RPTOR: variants seen among roughly 807,000 people sequenced by gnomAD.
The protein encoded by RPTOR is regulatory associated protein of MTOR complex 1, also known as regulatory-associated protein of mTOR.
Under a neutral mutation model 169.9 loss-of-function variants are expected in RPTOR, and 21 were observed. The ratio of observed to expected loss-of-function variants is 0.12; its 90% CI spans 0.09 to 0.18. RPTOR has a LOEUF of 0.18. RPTOR is among the 10% of genes least tolerant of loss of function. The pLI is 1.00. For synonymous variants in RPTOR, 732 were observed against 753.2 expected, an observed-to-expected ratio of 0.97 and a Z score of 0.46; for missense variants, 1,133 against 1,855.9, an observed-to-expected ratio of 0.61 and a Z score of 7.16.
chr17:80,871,535 C>G (rs74473994), intron 13 of RPTOR, among the ~76,000 whole-genome samples: 2,996 of 152,242 alleles, frequency 0.02, 104 homozygotes, highest in African/African-American at 0.069. Context: ...TGAGGTCAGG[C>G]GTCCCCCGGG....
intron 2 of RPTOR, among the ~76,000 whole-genome samples, chr17:80,637,680 G>A (rs1034888464): frequency 3.9e-5 from 6 of 152,220 alleles, no homozygotes; most frequent in African/African-American, 9.7e-5. Context: ...GTCATTTAGC[G>A]GAAATGGTTT....
intron 21 of RPTOR, among the ~76,000 whole-genome samples, chr17:80,919,930 A>G (rs1402984869): frequency 6.6e-6 from 1 of 152,216 alleles, no homozygotes; most frequent in Non-Finnish European, 1.5e-5. Context: ...GGGGGTGTAC[A>G]TGCTGAGAAG....
chr17:80,711,763 GGTT>G (rs752769261), intron 4 of RPTOR, among the ~76,000 whole-genome samples: 21,497 of 55,930 alleles, frequency 0.38, 2,419 homozygotes, highest in Non-Finnish European at 0.42. Flanking sequence ...TTTTTTTTGA[GGTT>G]AAGTCTCCCT....
chr17:80,744,467 A>T (rs796681028), intron 5 of RPTOR, among the ~76,000 whole-genome samples: 98 of 24,182 alleles, frequency 4.1e-3, no homozygotes, highest in East Asian at 0.014. Flanking sequence ...TTACTAGCAC[A>T]GCCCTGGTTA....
rs199794095 is a variant in RPTOR, at chr17:80,880,432, C to G, written c.1527C>G (p.Leu509=). 1.2e-6 allele frequency: 2 copies of G among 1,613,750 alleles called. No homozygotes were observed. Among genetic ancestry groups the G allele is most frequent in the Non-Finnish European group, 1.7e-6 (2 of 1,179,996 alleles). Residue 509 remains leucine (L), a synonymous_variant, in exon 14 of 34, where the codon CTC becomes CTG. Coordinates refer to ENST00000306801, the MANE Select transcript of RPTOR (RefSeq NM_020761.3). ...CTGTCCAGTCGTGCCAAGCGGACCT[C>G]GTGAAGGACAACGGCCACAAGTACT... ...LAVDSSCQAD[L]VKDNGHKYFL...
intron 31 of RPTOR, chr17:80,961,693 A>G (rs2069343840): frequency 1.7e-6 from 1 of 571,618 alleles, no homozygotes; most frequent in Non-Finnish European, 3.0e-6. Flanking sequence ...CCTGACCTGC[A>G]GGCGCTTTGG....
chr17:80,742,298 A>C (rs2066489206), intron 5 of RPTOR, among the ~76,000 whole-genome samples: 1 of 152,106 alleles, frequency 6.6e-6, no homozygotes, highest in Non-Finnish European at 1.5e-5. Context: ...GTGTGAAGGG[A>C]ACAGGATCCA....
In RPTOR at chr17:80,957,490, G is replaced by A. The variant is rs2069267517; in HGVS notation, c.3371-134G>A. On this transcript the variant is annotated intron_variant, in intron 28 of 33. Coordinates refer to ENST00000306801, the MANE Select transcript of RPTOR (RefSeq NM_020761.3). The surrounding 1 kb of genome is among the most constrained non-coding windows in gnomAD (Gnocchi z 4.6). ...AGCGGGAGCTCATATGAGGCATATG[G>A]ACCCACCAGATGGGCTCGATGGTGG... The A allele has an allele frequency of 2.6e-6, 2 of 778,494 alleles. No individual in the cohort carries two copies. Among genetic ancestry groups the A allele is most frequent in the Non-Finnish European group, 2.3e-6 (1 of 443,930 alleles). 48.2% of individuals were successfully genotyped at this position (778,494 alleles called of 1,614,324 possible). A position where few individuals can be genotyped will look rare whatever the true frequency, so the allele number is the denominator to read the frequency against.
At chr17:80,900,563 G>A (rs748995536) in intron 20 of RPTOR, among the ~76,000 whole-genome samples, 4 of 152,202 alleles carry the variant, frequency 2.6e-5, no homozygotes, top group South Asian at 2.1e-4. Context: ...TGATCTGCGC[G>A]CCTCAGCCTC....
At chr17:80,649,444 C>T (rs113039281) in intron 3 of RPTOR, among the ~76,000 whole-genome samples, 10,105 of 152,196 alleles carry the variant, frequency 0.066, 448 homozygotes, top group Non-Finnish European at 0.098. Context: ...CCCAAACTCA[C>T]CTGACTTTCT....
In RPTOR at chr17:80,825,498, G is replaced by A. The variant is rs762570036; in HGVS notation, c.1136+2275G>A. On this transcript the variant is annotated intron_variant, in intron 9 of 33. Transcript: ENST00000306801. ...AGGTCCTTGTCTAGGCCTAGCTGCA[G>A]CCTCTCCCAGCGTTGCTGGGGCTGC... Among the ~76,000 whole-genome samples the A allele has an allele frequency of 2.0e-5, 3 of 152,230 alleles. 1 individual carries two copies. In the South Asian group the frequency reaches 6.2e-4, roughly 32 times the overall value.
At chr17:80,694,060 C>T (rs1013455552) in intron 3 of RPTOR, among the ~76,000 whole-genome samples, 2 of 152,228 alleles carry the variant, frequency 1.3e-5, no homozygotes, top group Non-Finnish European at 2.9e-5. Flanking sequence ...AAGTAAAGAG[C>T]GCTGTCAAGA....
At chr17:80,958,768 A>G (rs1380758306) in intron 29 of RPTOR, among the ~76,000 whole-genome samples, 1 of 152,204 alleles carries the variant, frequency 6.6e-6, no homozygotes, top group African/African-American at 2.4e-5. Context: ...CAAAAAGCGG[A>G]GTACATTGGT....
rs1055274714 is a variant in RPTOR, at chr17:80,884,857, C to T, written c.1843-151C>T. On this transcript the variant is annotated intron_variant, in intron 16 of 33. Coordinates refer to ENST00000306801, the MANE Select transcript of RPTOR (RefSeq NM_020761.3). ...CTCCCCACCTCCTTCCCCGTTGCCA[C>T]TCTGATAGTGCGAGGAGAGCCTTGG... is the stretch of plus-strand genomic sequence containing the variant. 20 of 1,078,878 alleles carry T rather than the reference C, an allele frequency of 1.9e-5. 1 individual carries two copies. The Admixed American group carries it at 2.3e-4, about 12-fold the overall frequency. The allele number at this position is 1,078,878 out of a possible 1,614,324, so 66.8% of individuals were successfully genotyped here. A position where few individuals can be genotyped will look rare whatever the true frequency, so the allele number is the denominator to read the frequency against.
At position 80,941,579 on chromosome 17, in the gene RPTOR, G is replaced by T. The variant is rs189745146; in HGVS notation, c.3025+978G>T. Among the ~76,000 whole-genome samples, 94 of 152,352 alleles carry T rather than the reference G, an allele frequency of 6.2e-4. 1 individual carries two copies. Among genetic ancestry groups the T allele is most frequent in the African/African-American group, 2.2e-3 (93 of 41,578 alleles). The stretch of plus-strand genomic sequence containing the variant: ...CCACCACTGAGCCAGCTCTGGCTGG[G>T]GGACCTCAAGCTGCCCCCAACCAAA... On this transcript the variant is annotated intron_variant, in intron 25 of 33. Transcript: ENST00000306801.
At position 80,908,833 on chromosome 17, in the gene RPTOR, C is replaced by T; in HGVS notation, c.2424C>T (p.Tyr808=). 6.2e-7 allele frequency: 1 copy of T among 1,613,986 alleles called. No individual in the cohort carries two copies. Among genetic ancestry groups the T allele is most frequent in the Non-Finnish European group, 8.5e-7 (1 of 1,179,836 alleles). Residue 808 remains tyrosine (Y), a synonymous_variant, in exon 21 of 34, where the codon TAC becomes TAT. Coordinates refer to ENST00000306801, the MANE Select transcript of RPTOR (RefSeq NM_020761.3). ...CAGGAGTTTCCTTTAACAGTGTTTA[C>T]ACTCAGATTTGGAGAGTCCTGCTGC... ...SLIGVSFNSV[Y]TQIWRVLLHL...
At chr17:80,847,614 G>A (rs958513911) in intron 11 of RPTOR, among the ~76,000 whole-genome samples, 4 of 152,206 alleles carry the variant, frequency 2.6e-5, no homozygotes, top group African/African-American at 7.2e-5. Flanking sequence ...AGCAGGCCCC[G>A]CCCTTTTTGG....
At chr17:80,573,970 C>G (rs565939971) in intron 1 of RPTOR, among the ~76,000 whole-genome samples, 1 of 152,248 alleles carries the variant, frequency 6.6e-6, no homozygotes, top group Non-Finnish European at 1.5e-5. Context: ...ATGCCTGGGT[C>G]GGGGGAAGTT....
Position 80,963,024 on chromosome 17 carries a change from C to T in RPTOR, c.3906C>T (p.Gly1302=), listed in dbSNP as rs778070459. 1.4e-5 allele frequency: 22 copies of T among 1,607,974 alleles called. No individual in the cohort carries two copies. Among genetic ancestry groups the T allele is most frequent in the East Asian group, 4.5e-5 (2 of 44,594 alleles). ...YYDGFMGQRV[G]AISCLAFHPH... ...ACGGCTTCATGGGCCAGCGGGTCGG[C>T]GCCATCAGCTGCCTGGCCTTCCACC... Residue 1302 remains glycine (G), a synonymous_variant, in exon 33 of 34, where the codon GGC becomes GGT. Coordinates refer to ENST00000306801, the MANE Select transcript of RPTOR (RefSeq NM_020761.3).
Sources: allele counts gnomAD v4.1 joint callset (sites outside exome capture counted in the v4.1 genomes callset), GRCh38; gene constraint gnomAD v4.1.1; non-coding constraint Gnocchi (gnomAD v3.1); transcripts MANE v1.5; gene names NCBI Gene and HGNC (gene_info 2026-07-23, HGNC 2026-07-21).